The following PPEF1 variants were observed in gnomAD, a reference collection of about 807,000 sequenced individuals.
PPEF1 encodes the protein protein phosphatase with EF-hand domain 1.
In PPEF1, 12 loss-of-function variants were observed where a neutral mutation model predicts 53.3. The observed-to-expected ratio is 0.23, with a 90% CI of 0.14 to 0.36. The LOEUF is 0.36. Among genes scored for constraint, PPEF1 ranks in the 10% least tolerant of loss-of-function variants. The pLI is 1.00. For synonymous variants in PPEF1, 165 were observed against 176.7 expected (o/e 0.93, Z 0.52); for missense variants, 334 against 490.4 (o/e 0.68, Z 3.01).
Position 18,767,595 on chromosome X carries a change from C to T in PPEF1, c.558+6019C>T, listed in dbSNP as rs368535864. Among the ~76,000 whole-genome samples the T allele has an allele frequency of 4.5e-5, 5 of 112,180 alleles. No individual in the cohort carries two copies. The East Asian group carries it at 8.4e-4, about 19-fold the overall frequency. On this transcript the variant is annotated intron_variant, in intron 6 of 15. Coordinates refer to ENST00000470157, the MANE Select transcript of PPEF1 (RefSeq NM_001377996.1). ...GCAAATGGCACATTTTAAAAACTTC[C>T]AGCCAAAATGGTTAAAGTAATTTTT...
upstream of PPEF1, among the ~76,000 whole-genome samples, chrX:18,681,051 A>G (rs1033594878): frequency 2.7e-5 from 3 of 111,217 alleles, no homozygotes; most frequent in East Asian, 2.8e-4. Context: ...AGTCTTTGCT[A>G]TTGTGAATAG....
At chrX:18,766,653 G>T (rs939669036) in intron 6 of PPEF1, among the ~76,000 whole-genome samples, 4 of 112,209 alleles carry the variant, frequency 3.6e-5, no homozygotes, top group African/African-American at 1.3e-4. Context: ...CTTCTCTCAC[G>T]CAAGGTTCAC....
Position 18,686,926 on chromosome X carries a change from T to C in PPEF1, c.-426+695T>C, listed in dbSNP as rs919586355. ...AAGCCAGGAGATATACAGTGTCACA[T>C]TGTCATCCAGGTCTCAAGCTCGTCC... On this transcript the variant is annotated intron_variant, in intron 3 of 21. Transcript: ENST00000361511. Among the ~76,000 whole-genome samples, 65 of 110,890 alleles carry C rather than the reference T, an allele frequency of 5.9e-4. 1 individual carries two copies. Among genetic ancestry groups the C allele is most frequent in the African/African-American group, 2.6e-4 (8 of 30,442 alleles).
At chrX:18,823,643 T>A (rs1160003035) in intron 13 of PPEF1, among the ~76,000 whole-genome samples, 1 of 105,211 alleles carries the variant, frequency 9.5e-6, no homozygotes, top group Non-Finnish European at 2.0e-5. Context: ...AAAAAATAAA[T>A]AAATAAATAA....
chrX:18,752,447 T>C (rs769030334), intron 4 of PPEF1, among the ~76,000 whole-genome samples: 1 of 110,921 alleles, frequency 9.0e-6, no homozygotes, highest in African/African-American at 3.3e-5. Context: ...TCTGTGAATA[T>C]AGTTTTATTT....
chrX:18,689,339 G>T (rs776981316), intron 3 of PPEF1, among the ~76,000 whole-genome samples: 1 of 107,060 alleles, frequency 9.3e-6, no homozygotes, highest in African/African-American at 3.4e-5. Context: ...AAAATTAGCC[G>T]AGTGTGGTGG....
At chrX:18,730,045 ATTGT>A (rs1279661182) in intron 1 of PPEF1, 132 bp from the exon 2 acceptor site, 1 of 582,816 alleles carries the variant, frequency 1.7e-6, no homozygotes, top group Non-Finnish European at 2.5e-6. Flanking sequence ...AGTCAATCTC[ATTGT>A]TTGGTGTTTT....
intron 2 of PPEF1, among the ~76,000 whole-genome samples, chrX:18,731,092 CAG>C (rs1443889962): frequency 8.9e-6 from 1 of 112,538 alleles, no homozygotes; most frequent in Admixed American, 9.4e-5. Context: ...TAACAATAAA[CAG>C]ATCTTAGAAA....
At chrX:18,737,416 C>T in intron 3 of PPEF1, among the ~76,000 whole-genome samples, 1 of 111,881 alleles carries the variant, frequency 8.9e-6, no homozygotes, top group East Asian at 2.8e-4. Context: ...TGTTCAGTTT[C>T]CATGTAGTTG....
intron 1 of PPEF1, among the ~76,000 whole-genome samples, chrX:18,683,147 G>A (rs1928941873): frequency 9.0e-6 from 1 of 111,608 alleles, no homozygotes; most frequent in Non-Finnish European, 1.9e-5. Flanking sequence ...CGACACGTGG[G>A]AATTGTGGGA....
chrX:18,789,015 T>C (rs961411834), intron 9 of PPEF1, 106 bp from the exon 10 acceptor site: 17 of 963,990 alleles, frequency 1.8e-5, no homozygotes, highest in South Asian at 1.6e-4. Context: ...GTGTTTTTCA[T>C]TGGGTTGTGG....
chrX:18,727,277 C>A (rs2044731323), intron 1 of PPEF1, among the ~76,000 whole-genome samples: 1 of 110,857 alleles, frequency 9.0e-6, no homozygotes, highest in Non-Finnish European at 1.9e-5. Flanking sequence ...GGAAAGGTAC[C>A]ATTGTGCTTG....
chrX:18,704,292 A>G (rs776319537), upstream of PPEF1, among the ~76,000 whole-genome samples: 21 of 111,836 alleles, frequency 1.9e-4, no homozygotes. Context: ...AGCCCAAGCG[A>G]GATTTGGATA....
At chrX:18,796,383 C>G (rs912457057) in intron 10 of PPEF1, among the ~76,000 whole-genome samples, 35 of 112,564 alleles carry the variant, frequency 3.1e-4, no homozygotes, top group African/African-American at 1.1e-3. Context: ...TGGACTAACG[C>G]TTAATGATAA....
At chrX:18,789,837 T>C (rs1037086702) in intron 10 of PPEF1, among the ~76,000 whole-genome samples, 3 of 112,469 alleles carry the variant, frequency 2.7e-5, no homozygotes, top group Non-Finnish European at 1.9e-5. Flanking sequence ...TATTCATTCA[T>C]AAGCTGATGG....
At chrX:18,749,988 A>G in intron 4 of PPEF1, 36 bp downstream of exon 4, 1 of 1,111,182 alleles carries the variant, frequency 9.0e-7, no homozygotes, top group Non-Finnish European at 1.2e-6. Context: ...ATTCTTGTAC[A>G]TAACAGATGC....
upstream of PPEF1, among the ~76,000 whole-genome samples, chrX:18,706,818 CTTTTTTTTTTTTT>C (rs767459911): frequency 4.3e-5 from 2 of 46,299 alleles, no homozygotes; most frequent in Admixed American, 2.7e-4. Flanking sequence ...TTCAAACCTC[CTTTTTTTTTTTTT>C]TTTTTTTTTT....
chrX:18,706,573 C>T (rs1016634591), upstream of PPEF1, among the ~76,000 whole-genome samples: 2 of 109,585 alleles, frequency 1.8e-5, no homozygotes, highest in African/African-American at 6.6e-5. Context: ...AGCAAAACCC[C>T]GTCTCTACTA....
chrX:18,700,842 G>A (rs756274461), intron 6 of PPEF1, among the ~76,000 whole-genome samples: 1 of 112,267 alleles, frequency 8.9e-6, no homozygotes, highest in African/African-American at 3.2e-5. Flanking sequence ...CGTCTTAGAG[G>A]TTTCTAGCTA....
Sources: gnomAD v4.1 joint callset for allele counts (sites outside exome capture counted in the v4.1 genomes callset) on GRCh38, gnomAD v4.1.1 for gene constraint, MANE v1.5 for transcripts, NCBI Gene and HGNC (gene_info 2026-07-23, HGNC 2026-07-21) for gene names.